The following DOCK9 variants were observed in gnomAD, a reference collection of about 807,000 sequenced individuals.
The protein encoded by DOCK9 is dedicator of cytokinesis 9, also known as dedicator of cytokinesis protein 9.
A neutral mutation model predicts 263.3 loss-of-function variants in DOCK9; 89 were observed. The ratio of observed to expected loss-of-function variants is 0.34; its 90% CI spans 0.28 to 0.40. The LOEUF (loss-of-function observed/expected upper bound fraction) is 0.40, where lower values mean the gene tolerates loss of function less well. Among genes scored for constraint, DOCK9 ranks in the 10% least tolerant of loss-of-function variants. The probability of loss-of-function intolerance (pLI) is 1.00; values close to 1 mark genes in which losing one functional copy is unlikely to be tolerated. For synonymous variants in DOCK9, 976 were observed against 973.1 expected (o/e 1.00, Z -0.06); for missense variants, 2,140 against 2,603.4 (o/e 0.82, Z 3.87).
chr13:99,022,347 T>C (rs562631903), intron 1 of DOCK9, among the ~76,000 whole-genome samples: 11 of 152,184 alleles, frequency 7.2e-5, no homozygotes, highest in African/African-American at 1.9e-4. Flanking sequence ...ACGTAAAATA[T>C]TGGAGTCAGG....
intron 1 of DOCK9, among the ~76,000 whole-genome samples, chr13:98,983,803 G>C (rs768966380): frequency 4.4e-4 from 67 of 151,974 alleles, no homozygotes; most frequent in Non-Finnish European, 2.2e-4. Flanking sequence ...TTTCAGTAGA[G>C]ACAGAGTTTC....
At chr13:98,833,857 C>T (rs891275400) in intron 39 of DOCK9, among the ~76,000 whole-genome samples, 1 of 152,162 alleles carries the variant, frequency 6.6e-6, no homozygotes. Flanking sequence ...TAAATACAAA[C>T]ACATCTTTGA....
chr13:98,990,489 T>A (rs1385227903), intron 1 of DOCK9, among the ~76,000 whole-genome samples: 1 of 152,248 alleles, frequency 6.6e-6, no homozygotes, highest in Non-Finnish European at 1.5e-5. Context: ...CCCCAACAAC[T>A]CATTTTGAAA....
chr13:99,079,228 T>C (rs1379959633), intron 1 of DOCK9, among the ~76,000 whole-genome samples: 1 of 152,186 alleles, frequency 6.6e-6, no homozygotes, highest in Non-Finnish European at 1.5e-5. Flanking sequence ...GGGCAAATAT[T>C]GTTTCTAAGC....
At chr13:99,033,018 G>A (rs1310879194) in intron 1 of DOCK9, among the ~76,000 whole-genome samples, 1 of 152,148 alleles carries the variant, frequency 6.6e-6, no homozygotes, top group Non-Finnish European at 1.5e-5. Context: ...GAACAAATGT[G>A]TCAACAACTG....
At chr13:98,840,162 A>C (rs1394757928) in intron 38 of DOCK9, among the ~76,000 whole-genome samples, 1 of 152,250 alleles carries the variant, frequency 6.6e-6, no homozygotes, top group Admixed American at 6.5e-5. Flanking sequence ...AGACCAACAC[A>C]GGAAAATGAA....
chr13:98,826,517 A>G (rs996625651), intron 44 of DOCK9, among the ~76,000 whole-genome samples: 1 of 152,244 alleles, frequency 6.6e-6, no homozygotes, highest in African/African-American at 2.4e-5. Context: ...AGTGGGAACT[A>G]TCTTAAGGGA....
chr13:98,799,699 A>G (rs1342863883), intron 50 of DOCK9, among the ~76,000 whole-genome samples: 2 of 152,224 alleles, frequency 1.3e-5, no homozygotes, highest in African/African-American at 4.8e-5. Flanking sequence ...ACAAAAATCA[A>G]TTCCAGATGG....
chr13:98,843,422 T>TTTTTGTC (rs1340375892), intron 38 of DOCK9, among the ~76,000 whole-genome samples: 1 of 152,150 alleles, frequency 6.6e-6, no homozygotes, highest in African/African-American at 2.4e-5. Flanking sequence ...TTCTCTGTGT[T>TTTTTGTC]TTTTGTCTGA....
In DOCK9 at chr13:98,794,739, G is replaced by A. The variant is rs2089129744; in HGVS notation, c.6166C>T (p.Leu2056=). The A allele has an allele frequency of 6.2e-7, 1 of 1,613,782 alleles. No homozygotes were observed. The highest frequency in any genetic ancestry group is 8.5e-7 in the Non-Finnish European group (1 of 1,179,816). ...SEIMHEQICP[L]EEKTSVLPNS... ...GGTAAGACGCTCGTCTTCTCCTCCA[G>A]GGGGCAGATCTTGAGGACAGAAACA... Residue 2056 remains leucine (L), a synonymous_variant, in exon 53 of 53, where the codon CTG becomes TTG. Coordinates refer to ENST00000682017, the MANE Select transcript of DOCK9 (RefSeq NM_001366683.2).
chr13:98,828,469 C>G (rs2092632639), intron 43 of DOCK9, among the ~76,000 whole-genome samples: 1 of 152,174 alleles, frequency 6.6e-6, no homozygotes. Context: ...ATAGTCAAAA[C>G]TGTCACGTTA....
chr13:99,071,033 T>A (rs2041646896), intron 1 of DOCK9, among the ~76,000 whole-genome samples: 1 of 152,176 alleles, frequency 6.6e-6, no homozygotes, highest in Non-Finnish European at 1.5e-5. Flanking sequence ...CCCTGCACAG[T>A]CAAAAATCCA....
chr13:99,014,091 T>TC (rs1242310690), intron 1 of DOCK9, among the ~76,000 whole-genome samples: 1 of 151,962 alleles, frequency 6.6e-6, no homozygotes, highest in African/African-American at 2.4e-5. Flanking sequence ...AGGTTACTCT[T>TC]CCCCCAGGCA....
rs754378080 is a variant in DOCK9, at chr13:98,930,236, C to G, written c.265G>C (p.Gly89Arg). The change falls in exon 3 of 53, where the codon GGT (glycine) becomes CGT (arginine). Residue 89 changes from glycine (G) to arginine (R), a missense_variant. This residue lies in a region of DOCK9 where 1,521 missense variants were observed against 1,741.7 expected (regional missense o/e 0.87). Coordinates refer to ENST00000682017, the MANE Select transcript of DOCK9 (RefSeq NM_001366683.2). The part of the protein sequence containing the change: ...DFQTAILRRQ[G>R]RYICSTVPAK... ...GGCACTGTTGAGCATATGTATCGAC[C>G]CTGTCGTCTCAGGATGGCCGTCTGG... 11 of 1,611,050 alleles carry G rather than the reference C, an allele frequency of 6.8e-6. No individual in the cohort carries two copies. Among genetic ancestry groups the G allele is most frequent in the South Asian group, 6.7e-5 (6 of 90,036 alleles).
At chr13:98,822,141 T>C (rs2092309963) in intron 45 of DOCK9, among the ~76,000 whole-genome samples, 1 of 152,206 alleles carries the variant, frequency 6.6e-6, no homozygotes, top group Admixed American at 6.5e-5. Flanking sequence ...CCACAGATTG[T>C]CATGTACTAT....
In DOCK9 at chr13:98,797,216, T is replaced by C; in HGVS notation, c.6055A>G (p.Asn2019Asp). The change falls in exon 52 of 53, where the codon AAC becomes GAC. Residue 2019 changes from asparagine to aspartate, a missense_variant. By Grantham distance (23) the Asn-to-Asp change is conservative. Transcript: ENST00000682017. ...TGGTCTTCTTTAATCAGACGTTCGTTTACCGCTAAGGCTTGACCGCAAGCT... is the reference window on the plus strand; with the variant it reads ...TGGTCTTCTTTAATCAGACGTTCGTCTACCGCTAAGGCTTGACCGCAAGCT... ...VEACGQALAV[N>D]ERLIKEDQLE... 6.2e-7 allele frequency: 1 copy of C among 1,613,962 alleles called. No individual in the cohort carries two copies. Among genetic ancestry groups the C allele is most frequent in the Non-Finnish European group, 8.5e-7 (1 of 1,179,868 alleles).
intron 25 of DOCK9, among the ~76,000 whole-genome samples, chr13:98,880,881 C>T (rs1401237500): frequency 2.0e-5 from 3 of 152,066 alleles, no homozygotes; most frequent in East Asian, 1.9e-4. Flanking sequence ...TCATCTGACC[C>T]GGTCAAATCA....
At chr13:98,943,761 T>C (rs1476147722) in intron 2 of DOCK9, among the ~76,000 whole-genome samples, 3 of 152,168 alleles carry the variant, frequency 2.0e-5, no homozygotes, top group Non-Finnish European at 4.4e-5. Context: ...AAAAAAAAAT[T>C]ACAGCTTTCT....
At chr13:98,964,024 T>C (rs1349369503) in intron 1 of DOCK9, among the ~76,000 whole-genome samples, 1 of 152,190 alleles carries the variant, frequency 6.6e-6, no homozygotes, top group Non-Finnish European at 1.5e-5. Context: ...TGTGTACACA[T>C]GTGATTAGCA....
Sources: gnomAD v4.1 joint callset for allele counts (sites outside exome capture counted in the v4.1 genomes callset) on GRCh38, gnomAD v4.1.1 for gene constraint, gnomAD v4.1.1 regional missense constraint, MANE v1.5 for transcripts, NCBI Gene and HGNC (gene_info 2026-07-23, HGNC 2026-07-21) for gene names.